The following STXBP6 variants were observed in gnomAD, a reference collection of about 807,000 sequenced individuals.
The protein encoded by STXBP6 is syntaxin binding protein 6.
STXBP6 carries 21 observed loss-of-function variants against 26.9 expected under a neutral mutation model. The observed-to-expected ratio is 0.78, with a 90% CI of 0.55 to 1.12. The LOEUF (loss-of-function observed/expected upper bound fraction) is 1.12, where lower values mean the gene tolerates loss of function less well. STXBP6 is among the 50% of genes most tolerant of loss of function. The probability of loss-of-function intolerance (pLI) is 0.00; values close to 1 mark genes in which losing one functional copy is unlikely to be tolerated. For missense variants in STXBP6, 232 were observed against 257.9 expected (o/e 0.90, Z 0.69); for synonymous variants, 97 against 92.6 (o/e 1.05, Z -0.27).
At chr14:24,816,116 A>G (rs3783445) in intron 5 of STXBP6, 45,204 of 152,044 alleles carry the variant, frequency 0.3, 6,811 homozygotes, top group East Asian at 0.38. Context: ...GGGGTTCGGC[A>G]CCCTTATTCA....
At chr14:24,899,559 T>A (rs1387458756) in intron 2 of STXBP6, among the ~76,000 whole-genome samples, 3 of 151,938 alleles carry the variant, frequency 2.0e-5, no homozygotes, top group Admixed American at 2.0e-4. Context: ...GGTGGGTGGA[T>A]CACCTGAGGT....
intron 2 of STXBP6, among the ~76,000 whole-genome samples, chr14:24,955,067 C>T (rs2073294665): frequency 6.6e-6 from 1 of 152,228 alleles, no homozygotes; most frequent in Non-Finnish European, 1.5e-5. Flanking sequence ...AGTCTAGTAA[C>T]TGGCATATAA....
intron 4 of STXBP6, among the ~76,000 whole-genome samples, chr14:24,830,420 G>C (rs1480513194): frequency 2.0e-5 from 3 of 152,094 alleles, no homozygotes; most frequent in African/African-American, 7.2e-5. Flanking sequence ...GGAAAGATTT[G>C]AGATACATAT....
intron 1 of STXBP6, among the ~76,000 whole-genome samples, chr14:25,022,415 A>G (rs969154101): frequency 6.6e-6 from 1 of 152,188 alleles, no homozygotes; most frequent in Non-Finnish European, 1.5e-5. Flanking sequence ...TCAGAAGTCC[A>G]TTCTTGAACC....
At chr14:24,870,773 C>T (rs192982240) in intron 2 of STXBP6, among the ~76,000 whole-genome samples, 395 of 152,298 alleles carry the variant, frequency 2.6e-3, no homozygotes, top group Admixed American at 0.011. Flanking sequence ...CTCCCTACCC[C>T]ATCACCACCA....
At chr14:24,916,454 G>C (rs2071768749) in intron 2 of STXBP6, among the ~76,000 whole-genome samples, 2 of 152,062 alleles carry the variant, frequency 1.3e-5, no homozygotes, top group South Asian at 4.1e-4. Context: ...TTGCAACTGA[G>C]TAATTAGCCA....
chr14:24,950,337 C>T (rs948261205), intron 2 of STXBP6, among the ~76,000 whole-genome samples: 1 of 152,028 alleles, frequency 6.6e-6, no homozygotes, highest in African/African-American at 2.4e-5. Context: ...CTGGTATATA[C>T]CCAACAGAAA....
chr14:24,925,270 A>G (rs1048662819), intron 2 of STXBP6, among the ~76,000 whole-genome samples: 3 of 152,234 alleles, frequency 2.0e-5, no homozygotes, highest in African/African-American at 7.2e-5. Context: ...CACATAGATG[A>G]ACAAAGCCCT....
At chr14:24,960,650 A>G (rs2073502230) in intron 2 of STXBP6, among the ~76,000 whole-genome samples, 2 of 152,292 alleles carry the variant, frequency 1.3e-5, no homozygotes, top group African/African-American at 4.8e-5. Flanking sequence ...CCCCAAGTCT[A>G]GGAAGAACTG....
At chr14:24,844,282 A>G (rs2068874036) in intron 4 of STXBP6, among the ~76,000 whole-genome samples, 1 of 152,198 alleles carries the variant, frequency 6.6e-6, no homozygotes, top group African/African-American at 2.4e-5. Flanking sequence ...CATTCTTTAT[A>G]ATATCCTTTA....
At chr14:25,004,258 A>T (rs988086685) in intron 1 of STXBP6, among the ~76,000 whole-genome samples, 6 of 152,218 alleles carry the variant, frequency 3.9e-5, no homozygotes, top group Admixed American at 3.9e-4. Context: ...CAGGCTACAC[A>T]TGCCAATCCC....
intron 1 of STXBP6, among the ~76,000 whole-genome samples, chr14:24,981,213 C>A (rs1163519138): frequency 1.3e-5 from 2 of 152,154 alleles, no homozygotes; most frequent in Non-Finnish European, 2.9e-5. Flanking sequence ...AAGAGAGCCA[C>A]TGAATATATC....
chr14:24,835,171 A>C (rs2068574974), intron 4 of STXBP6, among the ~76,000 whole-genome samples: 1 of 152,210 alleles, frequency 6.6e-6, no homozygotes, highest in Non-Finnish European at 1.5e-5. Context: ...TCTGGAAGGC[A>C]TGTGTCAAGA....
intron 4 of STXBP6, among the ~76,000 whole-genome samples, chr14:24,837,797 C>T (rs991604474): frequency 6.6e-6 from 1 of 152,234 alleles, no homozygotes; most frequent in African/African-American, 2.4e-5. Flanking sequence ...GTATGAACAT[C>T]TCTCAGACTT....
Position 24,985,876 on chromosome 14 carries a change from C to A in STXBP6, c.-32-11026G>T, listed in dbSNP as rs565899242. ...AGTGATGGTCTATCTCATCCAATTA[C>A]CTCACTTAACACATAAGGAAACTGA... On this transcript the variant is annotated intron_variant, in intron 1 of 5. Transcript: ENST00000323944. 5.3e-5 allele frequency among the ~76,000 whole-genome samples: 8 copies of A among 152,270 alleles called. No homozygotes were observed. The South Asian group carries it at 1.7e-3, about 32-fold the overall frequency.
chr14:24,990,384 C>T (rs560822369), intron 1 of STXBP6, among the ~76,000 whole-genome samples: 13 of 152,290 alleles, frequency 8.5e-5, no homozygotes, highest in East Asian at 1.9e-4. Flanking sequence ...CTGCGCCGCG[C>T]GCAGTGGCTC....
At chr14:25,008,633 G>A (rs773406808) in intron 1 of STXBP6, among the ~76,000 whole-genome samples, 23 of 152,136 alleles carry the variant, frequency 1.5e-4, no homozygotes, top group Non-Finnish European at 2.8e-4. Flanking sequence ...GGAGAACAGC[G>A]TCTATTGGCA....
At chr14:24,904,403 C>G (rs1381888376) in intron 2 of STXBP6, among the ~76,000 whole-genome samples, 3 of 152,028 alleles carry the variant, frequency 2.0e-5, no homozygotes, top group African/African-American at 7.2e-5. Flanking sequence ...GGGTATAGTT[C>G]TAGGAAATTA....
intron 2 of STXBP6, among the ~76,000 whole-genome samples, chr14:24,941,922 G>C (rs377666740): frequency 6.6e-6 from 1 of 152,204 alleles, no homozygotes; most frequent in East Asian, 1.9e-4. Context: ...GGAGCTGCTG[G>C]CTGAATGCCA....
Sources: allele counts gnomAD v4.1 joint callset (sites outside exome capture counted in the v4.1 genomes callset), GRCh38; gene constraint gnomAD v4.1.1; transcripts MANE v1.5; gene names NCBI Gene and HGNC (gene_info 2026-07-23, HGNC 2026-07-21).